The following CLASP2 variants were observed in gnomAD, a reference collection of about 807,000 sequenced individuals.
CLASP2 encodes cytoplasmic linker associated protein 2, also known as CLIP-associating protein 2.
Under a neutral mutation model 194.4 loss-of-function variants are expected in CLASP2, and 47 were observed. The observed-to-expected ratio is 0.24, with a 90% confidence interval of 0.19 to 0.31. CLASP2 has a LOEUF of 0.31. Ranked by LOEUF, CLASP2 falls within the 10% of genes least tolerant of loss-of-function variation. The probability of loss-of-function intolerance (pLI) is 1.00; values close to 1 mark genes in which losing one functional copy is unlikely to be tolerated. For synonymous variants in CLASP2, 619 were observed against 633.5 expected, an observed-to-expected ratio of 0.98 and a Z score of 0.34; for missense variants, 1,445 against 1,823.6, an observed-to-expected ratio of 0.79 and a Z score of 3.78.
At chr3:33,630,599 C>T (rs1282652879) in intron 9 of CLASP2, among the ~76,000 whole-genome samples, 2 of 151,382 alleles carry the variant, frequency 1.3e-5, no homozygotes, top group Non-Finnish European at 2.9e-5. Flanking sequence ...GAACATTGAA[C>T]GGACTCTTTA....
rs909748893 is a variant in CLASP2 at position 33,624,976 on chromosome 3, C to A, written c.1035+2012G>T. 1.6e-4 allele frequency among the ~76,000 whole-genome samples: 24 copies of A among 151,894 alleles called. 1 individual carries two copies. On this transcript the variant is annotated intron_variant, in intron 10 of 38. Transcript: ENST00000682230. ...ACTGTAAGATTATACATGACTAATA[C>A]CTTTGTTCAAAATATTTTGGCAGCA... is the stretch of plus-strand genomic sequence containing the variant.
intron 8 of CLASP2, among the ~76,000 whole-genome samples, chr3:33,636,360 A>G (rs768208565): frequency 2.6e-5 from 4 of 152,134 alleles, no homozygotes; most frequent in Non-Finnish European, 5.9e-5. Context: ...TCTGACATCT[A>G]TACTGTGCTC....
intron 7 of CLASP2, chr3:33,645,207 T>C: frequency 1.3e-6 from 1 of 760,312 alleles, no homozygotes; most frequent in South Asian, 1.4e-5. Flanking sequence ...ACTCTGCATT[T>C]TCTGCCAGCT....
At chr3:33,691,779 A>G (rs2091383252) in intron 2 of CLASP2, among the ~76,000 whole-genome samples, 1 of 152,238 alleles carries the variant, frequency 6.6e-6, no homozygotes, top group African/African-American at 2.4e-5. Flanking sequence ...CAACAGTCCT[A>G]TGAAACAGAG....
chr3:33,680,734 C>A (rs907025349), intron 6 of CLASP2, among the ~76,000 whole-genome samples: 3 of 151,962 alleles, frequency 2.0e-5, no homozygotes, highest in Non-Finnish European at 4.4e-5. Flanking sequence ...TTGCTTGGGG[C>A]CAAGAGGTTG....
At chr3:33,568,994 AT>A (rs2063287971) in intron 26 of CLASP2, among the ~76,000 whole-genome samples, 2 of 152,220 alleles carry the variant, frequency 1.3e-5, no homozygotes, top group South Asian at 4.1e-4. Flanking sequence ...TGGACAATCA[AT>A]GGCCACACAA....
At chr3:33,597,822 A>G (rs9873773) in intron 18 of CLASP2, among the ~76,000 whole-genome samples, 51,019 of 149,676 alleles carry the variant, frequency 0.34, 9,229 homozygotes, top group Admixed American at 0.46. Flanking sequence ...GCACAATCTC[A>G]TCTCACTGCA....
chr3:33,702,687 T>C (rs2092453309), intron 1 of CLASP2, among the ~76,000 whole-genome samples: 1 of 152,104 alleles, frequency 6.6e-6, no homozygotes, highest in African/African-American at 2.4e-5. Context: ...GGAAAATAAT[T>C]GTAAAACATA....
rs552509402 is a variant in CLASP2 at position 33,497,884 on chromosome 3, C to T, written c.*747G>A. The stretch of plus-strand genomic sequence containing the variant: ...AACCCTGCAATAAAACCTTCTATTT[C>T]AGTAAGTATCAAGAAAAAACAGGCA... On this transcript the variant is annotated 3_prime_UTR_variant, in exon 39 of 39. Transcript: ENST00000682230. The T allele has an allele frequency of 3.9e-5, 6 of 152,640 alleles. No homozygotes were observed. In the East Asian group the frequency reaches 1.2e-3, roughly 29 times the overall value. 9.5% of individuals were successfully genotyped at this position (152,640 alleles called of 1,614,324 possible). A position where few individuals can be genotyped will look rare whatever the true frequency, so the allele number is the denominator to read the frequency against.
chr3:33,688,456 C>T lies in CLASP2; in HGVS notation c.379-88G>A, dbSNP rs113897319. The T allele has an allele frequency of 2.0e-3, 1,948 of 954,224 alleles. 18 individuals are homozygous for T. In the African/African-American group the frequency reaches 0.025, roughly 12 times the overall value. 59.1% of individuals were successfully genotyped at this position (954,224 alleles called of 1,614,324 possible). On this transcript the variant is annotated intron_variant, in intron 3 of 38. Coordinates refer to ENST00000682230, the MANE Select transcript of CLASP2 (RefSeq NM_001365631.1). ...ATTTCTTCCCAATCTTACTACCAACCTTATCGGTAACTGAATGTTTTCATC... is the reference window on the plus strand; with the variant it reads ...ATTTCTTCCCAATCTTACTACCAACTTTATCGGTAACTGAATGTTTTCATC...
At chr3:33,672,283 T>A (rs1340397144) in intron 6 of CLASP2, among the ~76,000 whole-genome samples, 1 of 152,182 alleles carries the variant, frequency 6.6e-6, no homozygotes, top group African/African-American at 2.4e-5. Flanking sequence ...CATTCGCGGT[T>A]CACGAAAAAC....
chr3:33,687,067 T>C lies in CLASP2; in HGVS notation c.539A>G (p.Asn180Ser). The C allele has an allele frequency of 1.3e-6, 2 of 1,586,834 alleles. No individual in the cohort carries two copies. The highest frequency in any genetic ancestry group is 1.7e-6 in the Non-Finnish European group (2 of 1,165,438). ...ATGTAAATAAAATTTTACCTGACTG[T>C]TGGAGTCTCCAAACAGGATACACAA... ...PHLCILFGDS[N>S]SQVRDAAILA... Residue 180 changes from asparagine (N) to serine (S), a missense_variant, in exon 5 of 39, where the codon AAC (asparagine) becomes AGC (serine). This residue lies in a region of CLASP2 where 332 missense variants were observed against 325.3 expected (regional missense o/e 1.02). Transcript: ENST00000682230.
rs57940200 is a variant in CLASP2 at position 33,713,012 on chromosome 3, C to CAAAAAAAAA, written c.195+4787_195+4795dup. On this transcript the variant is annotated intron_variant, in intron 1 of 38. Coordinates refer to ENST00000682230, the MANE Select transcript of CLASP2 (RefSeq NM_001365631.1). ...GGGCGACAAGAGCAAAACTCCACCT[C>CAAAAAAAAA]AAAAAAAAAAAAAAAAAAAAAAAAA... is the stretch of plus-strand genomic sequence containing the variant. Among the ~76,000 whole-genome samples, 91 of 47,000 alleles carry CAAAAAAAAA rather than the reference C, an allele frequency of 1.9e-3. 1 individual carries two copies. The highest frequency in any genetic ancestry group is 6.2e-3 in the African/African-American group (79 of 12,832). The allele number at this position is 47,000 out of a possible 152,430, so 30.8% of individuals were successfully genotyped here.
chr3:33,627,080 T>C lies in CLASP2; in HGVS notation c.943A>G (p.Ile315Val), dbSNP rs749004043. The C allele has an allele frequency of 3.4e-6, 5 of 1,483,754 alleles. No individual in the cohort carries two copies. The highest frequency in any genetic ancestry group is 3.7e-6 in the Non-Finnish European group (4 of 1,080,340). 91.9% of individuals were successfully genotyped at this position (1,483,754 alleles called of 1,614,324 possible). Reference sequence around the variant, plus strand: ...TCTTCGAGTTCTCGACTAGAATAAATCTTAAAAAAAAGATTCAGAATTATA... The same window carrying C: ...TCTTCGAGTTCTCGACTAGAATAAACCTTAAAAAAAAGATTCAGAATTATA... ...KAFTDVPSIQ[I>V]YSSRELEETL... The change falls in exon 10 of 39, where the codon ATT (isoleucine) becomes GTT (valine). Residue 315 changes from isoleucine to valine, a missense_variant and splice_region_variant. Physicochemically the swap from Ile to Val is conservative, Grantham distance 29. This residue lies in a region of CLASP2 where 207 missense variants were observed against 331.4 expected (regional missense o/e 0.62). Transcript: ENST00000682230.
chr3:33,605,823 C>T (rs1296297530), intron 16 of CLASP2, among the ~76,000 whole-genome samples: 1 of 152,072 alleles, frequency 6.6e-6, no homozygotes, highest in African/African-American at 2.4e-5. Context: ...GTTGGCCAGG[C>T]TGGTCTCGAA....
intron 29 of CLASP2, among the ~76,000 whole-genome samples, chr3:33,555,955 G>C (rs1216402141): frequency 6.6e-6 from 1 of 152,052 alleles, no homozygotes; most frequent in Non-Finnish European, 1.5e-5. Context: ...ATATTTATTA[G>C]GATATTTTAC....
At chr3:33,684,533 C>G in intron 5 of CLASP2, 77 bp from the exon 6 acceptor site, 1 of 892,312 alleles carries the variant, frequency 1.1e-6, no homozygotes, top group Non-Finnish European at 1.7e-6. Context: ...TAACATTACA[C>G]TAACAGACCA....
At chr3:33,503,309 G>T (rs2047257022) in intron 37 of CLASP2, 1 of 152,064 alleles carries the variant, frequency 6.6e-6, no homozygotes, top group Non-Finnish European at 1.5e-5. Flanking sequence ...ACTGTGAATA[G>T]TGCTGCTATG....
intron 6 of CLASP2, among the ~76,000 whole-genome samples, chr3:33,675,425 T>C (rs533356893): frequency 6.6e-6 from 1 of 151,772 alleles, no homozygotes; most frequent in East Asian, 1.9e-4. Context: ...TAGGTATTGA[T>C]GGGACATATC....
Sources: gnomAD v4.1 joint callset for allele counts (sites outside exome capture counted in the v4.1 genomes callset) on GRCh38, gnomAD v4.1.1 for gene constraint, gnomAD v4.1.1 regional missense constraint, MANE v1.5 for transcripts, NCBI Gene and HGNC (gene_info 2026-07-23, HGNC 2026-07-21) for gene names.